TOR1B: variants seen among roughly 807,000 people sequenced by gnomAD.
The protein encoded by TOR1B is torsin family 1 member B.
Under a neutral mutation model 29.2 loss-of-function variants are expected in TOR1B, and 14 were observed. The ratio of observed to expected loss-of-function variants is 0.48; its 90% CI spans 0.32 to 0.75. The LOEUF (loss-of-function observed/expected upper bound fraction) is 0.75, where lower values mean the gene tolerates loss of function less well. TOR1B is among the 30% of genes least tolerant of loss of function. TOR1B has a pLI of 0.04. For synonymous variants in TOR1B, 166 were observed against 179.8 expected (o/e 0.92, Z 0.62); for missense variants, 400 against 433.9 (o/e 0.92, Z 0.69).
chr9:129,807,396 G>A (rs770079309), intron 3 of TOR1B, 33 bp downstream of exon 3: 2 of 1,609,774 alleles, frequency 1.2e-6, no homozygotes, highest in Non-Finnish European at 1.7e-6. Context: ...GGGCACACAA[G>A]CCCTTCATTC....
In TOR1B at chr9:129,809,994, A is replaced by C; in HGVS notation, c.*411A>C. 1 of 1,179,406 alleles carries C rather than the reference A, an allele frequency of 8.5e-7. No homozygotes were observed. Among genetic ancestry groups the C allele is most frequent in the East Asian group, 5.9e-5 (1 of 16,828 alleles). The allele number at this position is 1,179,406 out of a possible 1,614,324, so 73.1% of individuals were successfully genotyped here. ...AGATGAACTTTTAAAAATCCCCTTC[A>C]CACTTAATGTACTGACCGAGACAGA... On this transcript the variant is annotated 3_prime_UTR_variant, in exon 5 of 5. Coordinates refer to ENST00000259339, the MANE Select transcript of TOR1B (RefSeq NM_014506.3).
rs535967595 is a variant in TOR1B, at chr9:129,810,098, C to A, written c.*515C>A. ...GCACCCGCGCCTCAGAAGCTACGGT[C>A]ACAACTAAAGGAGTCCAGGGACTTG... On this transcript the variant is annotated 3_prime_UTR_variant, in exon 5 of 5. Coordinates refer to ENST00000259339, the MANE Select transcript of TOR1B (RefSeq NM_014506.3). 15 of 1,275,190 alleles carry A rather than the reference C, an allele frequency of 1.2e-5. No individual in the cohort carries two copies. In the South Asian group the frequency reaches 1.5e-4, roughly 13 times the overall value. The allele number at this position is 1,275,190 out of a possible 1,614,324, so 79.0% of individuals were successfully genotyped here.
In TOR1B at chr9:129,810,483, C is replaced by T. The variant is rs979099301; in HGVS notation, c.*900C>T. The T allele has an allele frequency of 2.0e-5, 23 of 1,131,286 alleles. No individual in the cohort carries two copies. The highest frequency in any genetic ancestry group is 3.6e-5 in the Admixed American group (1 of 27,932). 70.1% of individuals were successfully genotyped at this position (1,131,286 alleles called of 1,614,324 possible). A position where few individuals can be genotyped will look rare whatever the true frequency, so the allele number is the denominator to read the frequency against. On this transcript the variant is annotated 3_prime_UTR_variant, in exon 5 of 5. Transcript: ENST00000259339. ...TTCACCGTCTCAGCTGGTATCAGCC[C>T]CAGCCTGCCTTGTGCCATATCTCAG...
intron 3 of TOR1B, among the ~76,000 whole-genome samples, chr9:129,808,597 T>C (rs146011032): frequency 0.017 from 2,320 of 136,958 alleles, 68 homozygotes; most frequent in African/African-American, 0.06. Context: ...TTGCCCAGGC[T>C]GGAGTGCAAT....
chr9:129,809,148 T>C, intron 4 of TOR1B, 116 bp downstream of exon 4: 1 of 1,519,116 alleles, frequency 6.6e-7, no homozygotes, highest in Non-Finnish European at 8.8e-7. Context: ...TTTGCTAAAG[T>C]CAGGAATTTT....
Position 129,809,604 on chromosome 9 carries a change from G to T in TOR1B, c.*21G>T. ...ACTGAGCTCCTATCCAGATGGGGTA[G>T]GAGACAGCTGGGAGGCTCCGCACGC... is the stretch of plus-strand genomic sequence containing the variant. On this transcript the variant is annotated 3_prime_UTR_variant, in exon 5 of 5. Transcript: ENST00000259339. The T allele has an allele frequency of 6.2e-7, 1 of 1,613,630 alleles. No individual in the cohort carries two copies. The highest frequency in any genetic ancestry group is 8.5e-7 in the Non-Finnish European group (1 of 1,179,566).
intron 2 of TOR1B, 35 bp from the exon 3 acceptor site, chr9:129,807,153 T>C: frequency 6.2e-7 from 1 of 1,607,564 alleles, no homozygotes. Flanking sequence ...CCCTTTGAGC[T>C]TCGCATCCTG....
chr9:129,810,570 T>C lies in TOR1B; in HGVS notation c.*987T>C, dbSNP rs1272646814. ...ATAGAGTTGAATCACAATGAGACCG[T>C]TGGCTTTGAATTTGAGTCGTTGGTT... On this transcript the variant is annotated 3_prime_UTR_variant, in exon 5 of 5. Transcript: ENST00000259339. The C allele has an allele frequency of 6.4e-6, 3 of 466,552 alleles. No individual in the cohort carries two copies. The highest frequency in any genetic ancestry group is 2.1e-5 in the African/African-American group (1 of 48,612). The allele number at this position is 466,552 out of a possible 1,614,324, so 28.9% of individuals were successfully genotyped here.
In TOR1B at chr9:129,804,242, T is replaced by A. The variant is rs762896387; in HGVS notation, c.369T>A (p.Ala123=). Residue 123 remains alanine, a synonymous_variant, in exon 2 of 5, where the codon GCT becomes GCA. Transcript: ENST00000259339. ...TGKNFVSQIV[A]ENLHPKGLKS... is the part of the protein sequence containing the mutation. ...AGAATTTTGTCAGTCAAATTGTGGC[T>A]GAAAATCTTCACCCAAAAGGTCTGA... 1.9e-6 allele frequency: 3 copies of A among 1,614,232 alleles called. No individual in the cohort carries two copies. In the South Asian group the frequency reaches 3.3e-5, roughly 18 times the overall value.
chr9:129,810,357 G>A lies in TOR1B; in HGVS notation c.*774G>A. On this transcript the variant is annotated 3_prime_UTR_variant, in exon 5 of 5. Transcript: ENST00000259339. The stretch of plus-strand genomic sequence containing the variant: ...GACCTGTGTGTGTGTGTGTGGGGGG[G>A]TGGGGCCTTCACCTAAGACCTCTGC... 1 of 1,026,450 alleles carries A rather than the reference G, an allele frequency of 9.7e-7. No individual in the cohort carries two copies. Among genetic ancestry groups the A allele is most frequent in the Non-Finnish European group, 1.3e-6 (1 of 773,186 alleles). The allele number at this position is 1,026,450 out of a possible 1,614,324, so 63.6% of individuals were successfully genotyped here. A position where few individuals can be genotyped will look rare whatever the true frequency, so the allele number is the denominator to read the frequency against.
In TOR1B at chr9:129,809,674, T is replaced by C; in HGVS notation, c.*91T>C. ...AAGAACCCTGAAGACCGCTTTGGGG[T>C]TTTGCCTGTTTGCACCTTAGACTTT... On this transcript the variant is annotated 3_prime_UTR_variant, in exon 5 of 5. Coordinates refer to ENST00000259339, the MANE Select transcript of TOR1B (RefSeq NM_014506.3). 6.4e-7 allele frequency: 1 copy of C among 1,558,878 alleles called. No individual in the cohort carries two copies. The highest frequency in any genetic ancestry group is 1.2e-5 in the South Asian group (1 of 82,836).
In TOR1B at chr9:129,809,486, C is replaced by G; in HGVS notation, c.914C>G (p.Thr305Arg). Residue 305 changes from threonine (T) to arginine (R), a missense_variant, in exon 5 of 5, where the codon ACA (threonine) becomes AGA (arginine). Transcript: ENST00000259339. ...TCTGCCATAGATGAAGACATTGTCA[C>G]AAGAGTGGCAGAGGAAATGACGTTT... Reference protein sequence around the residue: ...RGSAIDEDIVTRVAEEMTFFP... With the variant: ...RGSAIDEDIVRRVAEEMTFFP... 6.2e-7 allele frequency: 1 copy of G among 1,614,186 alleles called. No individual in the cohort carries two copies. Among genetic ancestry groups the G allele is most frequent in the Non-Finnish European group, 8.5e-7 (1 of 1,180,024 alleles).
chr9:129,810,523 A>G lies in TOR1B; in HGVS notation c.*940A>G. ...CCATATCTCAGCTTGGATCTCTGCT[A>G]GAGTCCCCCCAACCATATATCATAG... On this transcript the variant is annotated 3_prime_UTR_variant, in exon 5 of 5. Coordinates refer to ENST00000259339, the MANE Select transcript of TOR1B (RefSeq NM_014506.3). The G allele has an allele frequency of 1.2e-6, 1 of 857,334 alleles. No individual in the cohort carries two copies. The highest frequency in any genetic ancestry group is 1.5e-6 in the Non-Finnish European group (1 of 666,544). The allele number at this position is 857,334 out of a possible 1,614,324, so 53.1% of individuals were successfully genotyped here.
At chr9:129,809,203 G>T in intron 4 of TOR1B, 139 bp from the exon 5 acceptor site, 1 of 1,526,108 alleles carries the variant, frequency 6.6e-7, no homozygotes, top group South Asian at 1.3e-5. Context: ...GTGTCCAGCT[G>T]AGTCCTGCAT....
At chr9:129,809,097 A>G in intron 4 of TOR1B, 65 bp downstream of exon 4, 1 of 1,546,458 alleles carries the variant, frequency 6.5e-7, no homozygotes, top group Non-Finnish European at 8.7e-7. Flanking sequence ...TCTTTCATTG[A>G]GTGTTTCACA....
At chr9:129,809,154 A>C in intron 4 of TOR1B, 122 bp downstream of exon 4, 4 of 1,517,444 alleles carry the variant, frequency 2.6e-6, no homozygotes, top group Non-Finnish European at 3.5e-6. Context: ...AAAGTCAGGA[A>C]TTTTCTTAGG....
rs897494161 is a variant in TOR1B at position 129,810,279 on chromosome 9, G to T, written c.*696G>T. On this transcript the variant is annotated 3_prime_UTR_variant, in exon 5 of 5. Coordinates refer to ENST00000259339, the MANE Select transcript of TOR1B (RefSeq NM_014506.3). ...TAAAATCGGGGCTGGAGGTGCAGAC[G>T]GTGTCTGACCGGAGGATGTGGCCGT... The T allele has an allele frequency of 3.8e-6, 5 of 1,303,522 alleles. No homozygotes were observed. Among genetic ancestry groups the T allele is most frequent in the Admixed American group, 4.6e-5 (2 of 43,438 alleles). 80.7% of individuals were successfully genotyped at this position (1,303,522 alleles called of 1,614,324 possible).
chr9:129,809,991 T>A lies in TOR1B; in HGVS notation c.*408T>A. ...TGGAGATGAACTTTTAAAAATCCCC[T>A]TCACACTTAATGTACTGACCGAGAC... On this transcript the variant is annotated 3_prime_UTR_variant, in exon 5 of 5. Transcript: ENST00000259339. 3.4e-6 allele frequency: 4 copies of A among 1,181,144 alleles called. No individual in the cohort carries two copies. Among genetic ancestry groups the A allele is most frequent in the Non-Finnish European group, 4.3e-6 (4 of 934,960 alleles). The allele number at this position is 1,181,144 out of a possible 1,614,324, so 73.2% of individuals were successfully genotyped here.
At chr9:129,808,756 T>C in intron 3 of TOR1B, 149 bp from the exon 4 acceptor site, 2 of 829,402 alleles carry the variant, frequency 2.4e-6, no homozygotes. Context: ...TACTCTATGT[T>C]GGTCAGGCTG....
Sources: allele counts gnomAD v4.1 joint callset (sites outside exome capture counted in the v4.1 genomes callset), GRCh38; gene constraint gnomAD v4.1.1; transcripts MANE v1.5; gene names NCBI Gene and HGNC (gene_info 2026-07-23, HGNC 2026-07-21).